PALLD: variants seen among roughly 807,000 people sequenced by gnomAD.
PALLD encodes palladin.
In PALLD, 61 loss-of-function variants were observed where a neutral mutation model predicts 123.5. The observed-to-expected ratio is 0.49, with a 90% CI of 0.40 to 0.61. The LOEUF (loss-of-function observed/expected upper bound fraction) is 0.61, where lower values mean the gene tolerates loss of function less well. Among genes scored for constraint, PALLD ranks in the 20% least tolerant of loss-of-function variants. The probability of loss-of-function intolerance (pLI) is 0.00; values close to 1 mark genes in which losing one functional copy is unlikely to be tolerated. For synonymous variants in PALLD, 465 were observed against 496.4 expected, an observed-to-expected ratio of 0.94 and a Z score of 0.84; for missense variants, 1,273 against 1,377.0, an observed-to-expected ratio of 0.92 and a Z score of 1.20.
chr4:168,783,481 G>C (rs114975227), intron 10 of PALLD, among the ~76,000 whole-genome samples: 3,212 of 152,158 alleles, frequency 0.021, 116 homozygotes, highest in African/African-American at 0.072. Flanking sequence ...TAGGGGAGAG[G>C]TGATGAGACC....
rs117139449 is a variant in PALLD at position 168,908,549 on chromosome 4, A to G, written c.2622+4643A>G. On this transcript the variant is annotated intron_variant, in intron 15 of 21. Transcript: ENST00000505667. ...TTCAAGATATAGTAATCCCAAAAGCATAAAGTGTAGTTGACAGAAAACTGA... is the reference window on the plus strand; with the variant it reads ...TTCAAGATATAGTAATCCCAAAAGCGTAAAGTGTAGTTGACAGAAAACTGA... Among the ~76,000 whole-genome samples, 32 of 152,348 alleles carry G rather than the reference A, an allele frequency of 2.1e-4. No individual in the cohort carries two copies. In the East Asian group the frequency reaches 5.4e-3, roughly 26 times the overall value.
intron 10 of PALLD, among the ~76,000 whole-genome samples, chr4:168,842,833 G>C (rs1306329385): frequency 6.6e-6 from 1 of 152,138 alleles, no homozygotes; most frequent in Non-Finnish European, 1.5e-5. Context: ...TGATTCCCCG[G>C]TTTTGGAGAA....
intron 3 of PALLD, among the ~76,000 whole-genome samples, chr4:168,679,473 G>C (rs200372925): frequency 8.9e-6 from 1 of 112,864 alleles, no homozygotes; most frequent in East Asian, 2.7e-4. Context: ...GACGTGTGTG[G>C]GGGGGTGTGG....
chr4:168,576,144 C>T (rs1418838436), intron 2 of PALLD, among the ~76,000 whole-genome samples: 1 of 152,008 alleles, frequency 6.6e-6, no homozygotes, highest in Non-Finnish European at 1.5e-5. Flanking sequence ...CTAAGATGCA[C>T]TTTTTAATAT....
At chr4:168,745,558 CTT>C (rs767262890) in intron 10 of PALLD, among the ~76,000 whole-genome samples, 3 of 151,812 alleles carry the variant, frequency 2.0e-5, no homozygotes, top group East Asian at 3.9e-4. Flanking sequence ...ATATAGGTAA[CTT>C]AAATTTATTT....
chr4:168,855,357 G>C (rs776398895), intron 10 of PALLD, among the ~76,000 whole-genome samples: 46 of 152,282 alleles, frequency 3.0e-4, no homozygotes, highest in Non-Finnish European at 2.4e-4. Flanking sequence ...CCAGAGTGCT[G>C]GGATTACAGG....
At chr4:168,841,854 T>C (rs1365040248) in intron 10 of PALLD, among the ~76,000 whole-genome samples, 1 of 152,270 alleles carries the variant, frequency 6.6e-6, no homozygotes, top group East Asian at 1.9e-4. Context: ...AGCAGTCTAC[T>C]GAAATCTCTC....
intron 10 of PALLD, among the ~76,000 whole-genome samples, chr4:168,877,480 T>A (rs1751904258): frequency 6.6e-6 from 1 of 152,246 alleles, no homozygotes; most frequent in Non-Finnish European, 1.5e-5. Flanking sequence ...GTAAACTGGT[T>A]GGGATCACCT....
chr4:168,574,623 G>T (rs1214383318), intron 2 of PALLD, among the ~76,000 whole-genome samples: 1 of 152,094 alleles, frequency 6.6e-6, no homozygotes, highest in African/African-American at 2.4e-5. Flanking sequence ...ACCTGTGGTA[G>T]ATGCTCAATA....
chr4:168,928,040 ACTT>A lies in PALLD; in HGVS notation c.*1864_*1866del, dbSNP rs1407619223. 5.1e-6 allele frequency: 1 copy of A among 195,498 alleles called. No individual in the cohort carries two copies. The highest frequency in any genetic ancestry group is 1.1e-5 in the Non-Finnish European group (1 of 93,808). 12.1% of individuals were successfully genotyped at this position (195,498 alleles called of 1,614,324 possible). ...TACTGTTTCACATGTACAGCTTTCT[ACTT>A]CTTTGTAAGAACACCAACCAACCAA... On this transcript the variant is annotated 3_prime_UTR_variant, in exon 22 of 22. Transcript: ENST00000505667.
intron 10 of PALLD, among the ~76,000 whole-genome samples, chr4:168,739,399 C>T (rs1788103442): frequency 6.6e-6 from 1 of 152,100 alleles, no homozygotes; most frequent in South Asian, 2.1e-4. Context: ...ATATAAGTTC[C>T]CTTTTCTTAG....
chr4:168,588,328 A>C (rs906915929), intron 2 of PALLD, among the ~76,000 whole-genome samples: 1 of 152,008 alleles, frequency 6.6e-6, no homozygotes, highest in African/African-American at 2.4e-5. Flanking sequence ...GAGCACCTTA[A>C]AGAAGATTTA....
chr4:168,798,029 C>G (rs1489115398), intron 10 of PALLD, among the ~76,000 whole-genome samples: 1 of 152,162 alleles, frequency 6.6e-6, no homozygotes, highest in Non-Finnish European at 1.5e-5. Flanking sequence ...TGCACACAAA[C>G]AAGCCCCACC....
intron 2 of PALLD, among the ~76,000 whole-genome samples, chr4:168,613,199 C>T (rs909246152): frequency 6.6e-6 from 1 of 152,148 alleles, no homozygotes; most frequent in South Asian, 2.1e-4. Flanking sequence ...TGATTTGCCT[C>T]GGACTGAGGG....
chr4:168,600,001 A>G (rs1561290656), intron 2 of PALLD, among the ~76,000 whole-genome samples: 1 of 134,024 alleles, frequency 7.5e-6, no homozygotes, highest in Non-Finnish European at 1.7e-5. Context: ...GTATACACAC[A>G]CGTATATACA....
chr4:168,597,734 G>T (rs1561288054), intron 2 of PALLD, among the ~76,000 whole-genome samples: 1 of 151,678 alleles, frequency 6.6e-6, no homozygotes, highest in Non-Finnish European at 1.5e-5. Context: ...TAAATTTTTA[G>T]GATAGCTGAT....
intron 10 of PALLD, among the ~76,000 whole-genome samples, chr4:168,767,159 C>T (rs1382656200): frequency 1.3e-5 from 2 of 152,176 alleles, no homozygotes; most frequent in African/African-American, 4.8e-5. Flanking sequence ...CCCAACCCTC[C>T]ACAACTATCT....
intron 2 of PALLD, among the ~76,000 whole-genome samples, chr4:168,553,926 C>G (rs1028661714): frequency 3.9e-5 from 6 of 152,158 alleles, no homozygotes; most frequent in African/African-American, 1.4e-4. Flanking sequence ...GGGAATTCTA[C>G]ATTCTGGAAG....
intron 10 of PALLD, among the ~76,000 whole-genome samples, chr4:168,806,747 A>G (rs974269294): frequency 3.3e-5 from 5 of 152,208 alleles, no homozygotes; most frequent in South Asian, 4.1e-4. Flanking sequence ...GTCGTTTAGC[A>G]TAGATCCTTT....
Sources: gnomAD v4.1 joint callset for allele counts (sites outside exome capture counted in the v4.1 genomes callset) on GRCh38, gnomAD v4.1.1 for gene constraint, MANE v1.5 for transcripts, NCBI Gene and HGNC (gene_info 2026-07-23, HGNC 2026-07-21) for gene names.